Variants in CEP162 observed in about 807,000 individuals in gnomAD.
CEP162 encodes centrosomal protein of 162 kDa.
Under a neutral mutation model 169.2 loss-of-function variants are expected in CEP162, and 141 were observed. That is an observed-to-expected ratio of 0.83 (90% CI 0.73 to 0.96). CEP162 has a LOEUF of 0.96. Among genes scored for constraint, CEP162 ranks in the 40% least tolerant of loss-of-function variants. CEP162 has a pLI of 0.00. For missense variants in CEP162, 1,600 were observed against 1,587.2 expected (o/e 1.01, Z -0.14); for synonymous variants, 540 against 526.4 (o/e 1.03, Z -0.35).
At position 84,186,443 on chromosome 6, in the gene CEP162, T is replaced by A; in HGVS notation, c.1290A>T (p.Val430=). The A allele has an allele frequency of 6.2e-7, 1 of 1,611,304 alleles. No individual in the cohort carries two copies. Among genetic ancestry groups the A allele is most frequent in the Non-Finnish European group, 8.5e-7 (1 of 1,177,572 alleles). ...GTTCTTCTGTGGCAGTTACTTCAGT[T>A]ACTTGTGGACAGCTGTTTTCCATAC... ...NESMENSCPQ[V]TEVTATEEHV... The change falls in exon 12 of 27, where the codon GTA becomes GTT. Residue 430 remains valine, a synonymous_variant. Transcript: ENST00000403245.
intron 6 of CEP162, among the ~76,000 whole-genome samples, chr6:84,207,369 CATGGAATACT>C (rs1256574589): frequency 2.6e-5 from 4 of 152,026 alleles, no homozygotes; most frequent in Non-Finnish European, 5.9e-5. Context: ...AAATATACAC[CATGGAATACT>C]ATGCAGCCAT....
intron 16 of CEP162, among the ~76,000 whole-genome samples, chr6:84,172,103 T>G (rs1038838616): frequency 6.7e-6 from 1 of 149,388 alleles, no homozygotes; most frequent in Non-Finnish European, 1.5e-5. Flanking sequence ...TGTTTCTGGC[T>G]CAAGAGAGGG....
Position 84,155,329 on chromosome 6 carries a change from C to T in CEP162, c.2963G>A (p.Arg988His), listed in dbSNP as rs371935197. The T allele has an allele frequency of 3.5e-5, 57 of 1,613,482 alleles. No homozygotes were observed. In the Middle Eastern group the frequency reaches 1.2e-3, roughly 33 times the overall value. The change falls in exon 22 of 27, where the codon CGT becomes CAT. Residue 988 changes from arginine (R) to histidine (H), a missense_variant. By Grantham distance (29) the Arg-to-His change is conservative. Coordinates refer to ENST00000403245, the MANE Select transcript of CEP162 (RefSeq NM_014895.4). ...TTTCTGAAACTGTTGTTCCATGGTA[C>T]GAAGGCTTTTCTTTGCATCTTCATC... is the stretch of plus-strand genomic sequence containing the variant. ...GKDEDAKKSLRTMEQQFQKMK... is the reference protein window; with the variant it reads ...GKDEDAKKSLHTMEQQFQKMK...
At chr6:84,161,218 A>G (rs2099525643) in intron 20 of CEP162, among the ~76,000 whole-genome samples, 1 of 152,180 alleles carries the variant, frequency 6.6e-6, no homozygotes, top group African/African-American at 2.4e-5. Context: ...AAATAACTTC[A>G]GAGTGGTAAG....
At chr6:84,170,604 A>AG (rs1411250099) in intron 17 of CEP162, among the ~76,000 whole-genome samples, 1 of 152,100 alleles carries the variant, frequency 6.6e-6, no homozygotes, top group Non-Finnish European at 1.5e-5. Flanking sequence ...ATAACCAAAA[A>AG]GGGGGAGAAG....
At chr6:84,145,656 A>G (rs563427693) in intron 25 of CEP162, among the ~76,000 whole-genome samples, 6 of 151,764 alleles carry the variant, frequency 4.0e-5, no homozygotes, top group African/African-American at 9.7e-5. Flanking sequence ...TTTTTCTCCT[A>G]CCCTCCTGCC....
At chr6:84,167,871 T>C (rs2099528458) in intron 18 of CEP162, among the ~76,000 whole-genome samples, 1 of 152,126 alleles carries the variant, frequency 6.6e-6, no homozygotes, top group South Asian at 2.1e-4. Context: ...TCCACTATTT[T>C]AGTGAAAGAT....
chr6:84,151,209 G>A (rs1458110440), intron 23 of CEP162, among the ~76,000 whole-genome samples: 1 of 152,020 alleles, frequency 6.6e-6, no homozygotes, highest in Non-Finnish European at 1.5e-5. Flanking sequence ...AGTCACCGGA[G>A]AGCAGAGTGA....
Position 84,171,599 on chromosome 6 carries a change from G to A in CEP162, c.2279+7C>T. On this transcript the variant is annotated splice_region_variant and intron_variant, in intron 17 of 26. Coordinates refer to ENST00000403245, the MANE Select transcript of CEP162 (RefSeq NM_014895.4). ...TATTTGATTTTAAGAAGTTCAAAAGGACTTACTTTAAGGAAGCTACCTCAC... is the reference window on the plus strand; with the variant it reads ...TATTTGATTTTAAGAAGTTCAAAAGAACTTACTTTAAGGAAGCTACCTCAC... The A allele has an allele frequency of 1.7e-6, 2 of 1,207,812 alleles. No homozygotes were observed. The highest frequency in any genetic ancestry group is 3.3e-5 in the South Asian group (2 of 61,146). The allele number at this position is 1,207,812 out of a possible 1,614,324, so 74.8% of individuals were successfully genotyped here.
chr6:84,199,185 G>A (rs1371452507), intron 9 of CEP162, among the ~76,000 whole-genome samples: 4 of 152,046 alleles, frequency 2.6e-5, no homozygotes, highest in South Asian at 4.1e-4. Context: ...TATGTGACAC[G>A]GTTCCTTAAA....
Position 84,194,928 on chromosome 6 carries a change from T to C in CEP162, c.983A>G (p.Gln328Arg). ...GTTTTTTGAATTCTCTTCATTTTCT[T>C]GAGGATGACCTTTCACTGAGCTCTT... ...DIKSSVKGHP[Q>R]ENEENSKNIS... The change falls in exon 10 of 27, where the codon CAA becomes CGA. Residue 328 changes from glutamine to arginine, a missense_variant. Gln to Arg is a conservative substitution (Grantham distance 43). Transcript: ENST00000403245. 6 of 1,612,200 alleles carry C rather than the reference T, an allele frequency of 3.7e-6. No individual in the cohort carries two copies. Among genetic ancestry groups the C allele is most frequent in the Non-Finnish European group, 5.1e-6 (6 of 1,179,466 alleles).
chr6:84,197,982 A>G (rs184133400), intron 9 of CEP162, among the ~76,000 whole-genome samples: 1 of 152,342 alleles, frequency 6.6e-6, no homozygotes, highest in East Asian at 1.9e-4. Context: ...ACAAATGAAA[A>G]TAAGTGAAAG....
At position 84,132,564 on chromosome 6, in the gene CEP162, ACTTCT is replaced by A. The variant is rs1268904182; in HGVS notation, c.3871-6057_3871-6053del. On this transcript the variant is annotated intron_variant, in intron 25 of 26. Transcript: ENST00000403245. The stretch of plus-strand genomic sequence containing the variant: ...TTTCTTTTTACTCTTTTTTCTCTAA[ACTTCT>A]CTTCTCACTTCATTTCATTCATTTG... Among the ~76,000 whole-genome samples the A allele has an allele frequency of 2.6e-5, 4 of 151,864 alleles. No individual in the cohort carries two copies. In the South Asian group the frequency reaches 8.3e-4, roughly 32 times the overall value.
intron 18 of CEP162, among the ~76,000 whole-genome samples, chr6:84,168,779 T>C (rs948055422): frequency 3.3e-5 from 5 of 152,180 alleles, no homozygotes; most frequent in African/African-American, 9.7e-5. Flanking sequence ...ATATTCTTTA[T>C]AATACAATTT....
chr6:84,209,968 A>G (rs1280400802), intron 6 of CEP162, among the ~76,000 whole-genome samples: 1 of 152,228 alleles, frequency 6.6e-6, no homozygotes, highest in South Asian at 2.1e-4. Flanking sequence ...AGCACATGTC[A>G]GAGATTTCAG....
At chr6:84,212,524 A>AT (rs1363395994) in intron 6 of CEP162, among the ~76,000 whole-genome samples, 16 of 151,926 alleles carry the variant, frequency 1.1e-4, no homozygotes, top group Non-Finnish European at 7.4e-5. Flanking sequence ...AACTAAGAAA[A>AT]AAATACAACA....
intron 25 of CEP162, among the ~76,000 whole-genome samples, chr6:84,134,719 T>G (rs1485242407): frequency 6.6e-6 from 1 of 152,134 alleles, no homozygotes; most frequent in African/African-American, 2.4e-5. Context: ...GGTACCTCAG[T>G]TGGAAATGTA....
At chr6:84,211,136 T>C (rs1473914990) in intron 6 of CEP162, among the ~76,000 whole-genome samples, 2 of 151,526 alleles carry the variant, frequency 1.3e-5, no homozygotes, top group Non-Finnish European at 1.5e-5. Flanking sequence ...ATATGTTTAA[T>C]ATTAAGGACT....
intron 3 of CEP162, chr6:84,218,999 T>G (rs1588895131): frequency 9.5e-6 from 3 of 317,114 alleles, no homozygotes; most frequent in East Asian, 9.9e-5. Flanking sequence ...AGCAAGAGGA[T>G]GAGATAGTTT....
Sources: gnomAD v4.1 joint callset for allele counts (sites outside exome capture counted in the v4.1 genomes callset) on GRCh38, gnomAD v4.1.1 for gene constraint, MANE v1.5 for transcripts, NCBI Gene and HGNC (gene_info 2026-07-23, HGNC 2026-07-21) for gene names.